USP43: variants seen among roughly 807,000 people sequenced by gnomAD.
The protein encoded by USP43 is ubiquitin specific peptidase 43.
USP43 carries 33 observed loss-of-function variants against 90.7 expected under a neutral mutation model. The observed-to-expected ratio is 0.36, with a 90% CI of 0.28 to 0.49. The LOEUF (loss-of-function observed/expected upper bound fraction) is 0.49, where lower values mean the gene tolerates loss of function less well. Ranked by LOEUF, USP43 falls within the 20% of genes least tolerant of loss-of-function variation. The pLI is 0.98. For synonymous variants in USP43, 598 were observed against 615.8 expected (o/e 0.97, Z 0.43); for missense variants, 1,274 against 1,476.4 (o/e 0.86, Z 2.25).
At chr17:9,698,540 C>A (rs895795349) in intron 9 of USP43, among the ~76,000 whole-genome samples, 2 of 152,156 alleles carry the variant, frequency 1.3e-5, no homozygotes, top group Admixed American at 1.3e-4. Flanking sequence ...ATATACATTT[C>A]TTGGAGTAGC....
At chr17:9,675,980 A>G (rs1913746148) in intron 4 of USP43, among the ~76,000 whole-genome samples, 1 of 152,172 alleles carries the variant, frequency 6.6e-6, no homozygotes, top group South Asian at 2.1e-4. Context: ...TGACTTGGGC[A>G]GTTATTGGAG....
chr17:9,728,762 A>G lies in USP43; in HGVS notation c.3144A>G (p.Pro1048=), dbSNP rs761640999. ...GCTCACCTCCTGCCCTCAGGATCCC[A>G]GAGGGCCTGGCCAGGGGCCTGGGCA... ...APGSPPALRI[P]EGLARGLGSR... is the part of the protein sequence containing the mutation. Residue 1048 remains proline, a synonymous_variant, in exon 15 of 15, where the codon CCA becomes CCG. Transcript: ENST00000285199. The surrounding 1 kb of genome is among the most constrained non-coding windows in gnomAD (Gnocchi z 6.2). The G allele has an allele frequency of 6.2e-7, 1 of 1,605,962 alleles. No individual in the cohort carries two copies.
At chr17:9,705,681 G>A (rs923102704) in intron 12 of USP43, among the ~76,000 whole-genome samples, 1 of 150,290 alleles carries the variant, frequency 6.7e-6, no homozygotes, top group Non-Finnish European at 1.5e-5. Flanking sequence ...CTTGAACCCA[G>A]AGGTGGAGAT....
chr17:9,653,092 G>C (rs1419093575), intron 1 of USP43, among the ~76,000 whole-genome samples: 1 of 152,062 alleles, frequency 6.6e-6, no homozygotes, highest in East Asian at 1.9e-4. Context: ...CATTTCCTAA[G>C]GCAAAATCAC....
chr17:9,682,721 A>G, intron 6 of USP43, 102 bp from the exon 7 acceptor site: 1 of 1,453,270 alleles, frequency 6.9e-7, no homozygotes, highest in Non-Finnish European at 9.2e-7. Flanking sequence ...ATTGGTGGTT[A>G]ATAGATGCTC....
In USP43 at chr17:9,710,607, C is replaced by T. The variant is rs1168193391; in HGVS notation, c.2170+493C>T. On this transcript the variant is annotated intron_variant, in intron 13 of 14. Coordinates refer to ENST00000285199, the MANE Select transcript of USP43 (RefSeq NM_153210.5). ...GCAACCTCTGCCTCTTGGGTTCAAG[C>T]GATTCTCCTGCCTCAGCCTCCCGAG... is the stretch of plus-strand genomic sequence containing the variant. Among the ~76,000 whole-genome samples, 3 of 144,106 alleles carry T rather than the reference C, an allele frequency of 2.1e-5. No homozygotes were observed. In the Admixed American group the frequency reaches 2.2e-4, roughly 10 times the overall value. 94.5% of individuals were successfully genotyped at this position (144,106 alleles called of 152,430 possible).
intron 5 of USP43, among the ~76,000 whole-genome samples, chr17:9,677,366 T>C (rs539499566): frequency 2.0e-5 from 3 of 152,304 alleles, no homozygotes; most frequent in Admixed American, 2.0e-4. Context: ...ATAGCCCAAG[T>C]CACCATTGTA....
At chr17:9,676,306 C>T (rs185881320) in intron 4 of USP43, among the ~76,000 whole-genome samples, 29 of 152,236 alleles carry the variant, frequency 1.9e-4, no homozygotes, top group Non-Finnish European at 3.5e-4. Flanking sequence ...GACAATGTAC[C>T]AAGTACAGGG....
At chr17:9,716,587 G>A (rs971300157) in intron 14 of USP43, among the ~76,000 whole-genome samples, 1 of 152,132 alleles carries the variant, frequency 6.6e-6, no homozygotes, top group Non-Finnish European at 1.5e-5. Context: ...AGAAGAGGGG[G>A]TGCAGGGTGA....
intron 1 of USP43, among the ~76,000 whole-genome samples, chr17:9,650,319 C>T (rs1436387485): frequency 1.3e-5 from 2 of 151,844 alleles, no homozygotes; most frequent in Non-Finnish European, 2.9e-5. Flanking sequence ...TGAAATGTAC[C>T]CATTATAAGC....
At chr17:9,715,775 ATGTGTGTGTCTCTGTG>A (rs953822461) in intron 14 of USP43, among the ~76,000 whole-genome samples, 3 of 62,420 alleles carry the variant, frequency 4.8e-5, no homozygotes, top group African/African-American at 3.3e-4. Flanking sequence ...GTTTGTGTCT[ATGTGTGTGTCTCTGTG>A]TGTGTGTGTC....
intron 7 of USP43, among the ~76,000 whole-genome samples, chr17:9,684,259 T>A (rs2035416980): frequency 6.6e-6 from 1 of 152,184 alleles, no homozygotes; most frequent in African/African-American, 2.4e-5. Flanking sequence ...AAAAGGCTGA[T>A]GTTTTAAATA....
intron 1 of USP43, among the ~76,000 whole-genome samples, chr17:9,646,597 C>T (rs973595972): frequency 6.6e-6 from 1 of 152,094 alleles, no homozygotes; most frequent in Non-Finnish European, 1.5e-5. Context: ...CTAATCCAGG[C>T]AGGAGGAACA....
At position 9,674,790 on chromosome 17, in the gene USP43, A is replaced by G. The variant is rs913420296; in HGVS notation, c.741-101A>G. On this transcript the variant is annotated intron_variant, in intron 3 of 14. Coordinates refer to ENST00000285199, the MANE Select transcript of USP43 (RefSeq NM_153210.5). This position sits in a 1 kb window ranked among gnomAD's most constrained non-coding sequence, Gnocchi z 4.4. ...CTTCTGGGTATGTACCTACGAGTGGAATCACAGGGAGTGGAAATGCAAGGA... is the reference window on the plus strand; with the variant it reads ...CTTCTGGGTATGTACCTACGAGTGGGATCACAGGGAGTGGAAATGCAAGGA... The G allele has an allele frequency of 2.1e-6, 2 of 940,398 alleles. No homozygotes were observed. Among genetic ancestry groups the G allele is most frequent in the African/African-American group, 3.2e-5 (2 of 62,154 alleles). The allele number at this position is 940,398 out of a possible 1,614,324, so 58.3% of individuals were successfully genotyped here.
intron 8 of USP43, among the ~76,000 whole-genome samples, chr17:9,688,152 A>G: frequency 6.7e-6 from 1 of 149,212 alleles, no homozygotes; most frequent in East Asian, 2.0e-4. Flanking sequence ...CGCCCAGCTA[A>G]CTTTTTTGTA....
intron 1 of USP43, among the ~76,000 whole-genome samples, chr17:9,651,483 T>C (rs914343812): frequency 1.3e-5 from 2 of 152,188 alleles, no homozygotes; most frequent in African/African-American, 4.8e-5. Context: ...CTATTCTGCT[T>C]TGGTCTCAAT....
At chr17:9,706,091 T>C (rs953352874) in intron 12 of USP43, among the ~76,000 whole-genome samples, 2 of 152,226 alleles carry the variant, frequency 1.3e-5, no homozygotes, top group Admixed American at 6.5e-5. Context: ...AGGTTCTTAA[T>C]AGTGTGAGCT....
At chr17:9,651,839 A>G (rs554542214) in intron 1 of USP43, among the ~76,000 whole-genome samples, 34 of 152,316 alleles carry the variant, frequency 2.2e-4, no homozygotes, top group African/African-American at 7.5e-4. Flanking sequence ...AAAAAATATT[A>G]GAAAGAAAAT....
intron 8 of USP43, among the ~76,000 whole-genome samples, chr17:9,688,073 C>T (rs1359918341): frequency 6.6e-6 from 1 of 152,102 alleles, no homozygotes; most frequent in Non-Finnish European, 1.5e-5. Flanking sequence ...GCAAGCTCCG[C>T]CTCCCGGGTT....
Sources: allele counts gnomAD v4.1 joint callset (sites outside exome capture counted in the v4.1 genomes callset), GRCh38; gene constraint gnomAD v4.1.1; non-coding constraint Gnocchi (gnomAD v3.1); transcripts MANE v1.5; gene names NCBI Gene and HGNC (gene_info 2026-07-23, HGNC 2026-07-21).